The following CLNK variants were observed in gnomAD, a reference collection of about 807,000 sequenced individuals.
CLNK encodes the protein cytokine dependent hematopoietic cell linker, also known as cytokine-dependent hematopoietic cell linker.
A neutral mutation model predicts 68.6 loss-of-function variants in CLNK; 74 were observed. That is an observed-to-expected ratio of 1.08 (90% CI 0.89 to 1.31). CLNK has a LOEUF of 1.31. Among genes scored for constraint, CLNK ranks in the 50% most tolerant of loss-of-function variants. The pLI is 0.00. For missense variants in CLNK, 553 were observed against 515.3 expected (o/e 1.07, Z -0.71); for synonymous variants, 198 against 172.2 (o/e 1.15, Z -1.17).
At chr4:10,560,281 G>A (rs1378118958) in intron 7 of CLNK, among the ~76,000 whole-genome samples, 1 of 152,220 alleles carries the variant, frequency 6.6e-6, no homozygotes, top group African/African-American at 2.4e-5. Flanking sequence ...GCTAAGCACA[G>A]AGCTTGGTAC....
intron 8 of CLNK, among the ~76,000 whole-genome samples, chr4:10,545,518 G>A (rs923917753): frequency 1.2e-4 from 18 of 152,074 alleles, no homozygotes; most frequent in African/African-American, 4.1e-4. Flanking sequence ...AGCTCTCCCA[G>A]GTTGGCAATG....
intron 15 of CLNK, chr4:10,517,392 A>G (rs1717879503): frequency 6.6e-6 from 1 of 152,210 alleles, no homozygotes; most frequent in African/African-American, 2.4e-5. Context: ...GTGCAAACTT[A>G]CCTTTTAAAA....
At chr4:10,702,064 T>C in the CLNK span, among the ~76,000 whole-genome samples, 1 of 152,202 alleles carries the variant, frequency 6.6e-6, no homozygotes, top group Non-Finnish European at 1.5e-5. Context: ...ATATTTACCA[T>C]GCTCCTTGCA....
chr4:10,720,276 C>G, the CLNK span, among the ~76,000 whole-genome samples: 1 of 151,796 alleles, frequency 6.6e-6, no homozygotes, highest in Non-Finnish European at 1.5e-5. Flanking sequence ...TTAAAAAGAT[C>G]AATAAAATTT....
intron 11 of CLNK, among the ~76,000 whole-genome samples, chr4:10,538,124 A>G (rs138242280): frequency 2.0e-5 from 3 of 152,064 alleles, no homozygotes; most frequent in African/African-American, 7.2e-5. Flanking sequence ...TAGTTTATAT[A>G]TTTATTTTTT....
chr4:10,718,621 C>T, the CLNK span, among the ~76,000 whole-genome samples: 11 of 151,380 alleles, frequency 7.3e-5, no homozygotes, highest in Middle Eastern at 3.4e-3. Flanking sequence ...TAGAAGAATT[C>T]GTCACTAGCA....
chr4:10,642,847 T>C (rs181900389), intron 2 of CLNK, among the ~76,000 whole-genome samples: 2 of 152,278 alleles, frequency 1.3e-5, no homozygotes, highest in East Asian at 1.9e-4. Flanking sequence ...GGGAAGGGTA[T>C]GTAAAATAGT....
At chr4:10,556,879 C>T (rs1279929609) in intron 8 of CLNK, among the ~76,000 whole-genome samples, 2 of 151,974 alleles carry the variant, frequency 1.3e-5, no homozygotes, top group Non-Finnish European at 2.9e-5. Context: ...AGTTCGCGAC[C>T]AGCCTGACCA....
chr4:10,499,202 T>C (rs1231735150), intron 18 of CLNK, among the ~76,000 whole-genome samples: 1 of 152,012 alleles, frequency 6.6e-6, no homozygotes, highest in Admixed American at 6.6e-5. Context: ...CTGGGATTAG[T>C]TTAGATTGTA....
rs1716442572 is a variant in CLNK at position 10,488,660 on chromosome 4, T to C, written c.*1807A>G. On this transcript the variant is annotated 3_prime_UTR_variant, in exon 19 of 19. Transcript: ENST00000226951. The stretch of plus-strand genomic sequence containing the variant: ...TCCAGCTTTACAAATAGCTTCTTCA[T>C]TAAATGCTCCTGATGTAACTTATAG... 6.6e-6 allele frequency: 1 copy of C among 152,238 alleles called. No homozygotes were observed. The highest frequency in any genetic ancestry group is 1.5e-5 in the Non-Finnish European group (1 of 68,058). The allele number at this position is 152,238 out of a possible 1,614,324, so 9.4% of individuals were successfully genotyped here. A position where few individuals can be genotyped will look rare whatever the true frequency, so the allele number is the denominator to read the frequency against.
intron 2 of CLNK, among the ~76,000 whole-genome samples, chr4:10,665,014 G>C (rs563716749): frequency 1.3e-5 from 2 of 152,294 alleles, no homozygotes; most frequent in South Asian, 4.1e-4. Flanking sequence ...GACTAGGGGA[G>C]GAAAAGGATG....
chr4:10,596,322 G>A (rs1380863116), intron 3 of CLNK, among the ~76,000 whole-genome samples: 1 of 152,208 alleles, frequency 6.6e-6, no homozygotes. Flanking sequence ...ACCACATCTG[G>A]CTTCAAATAT....
chr4:10,554,018 G>T (rs904240633), intron 8 of CLNK, among the ~76,000 whole-genome samples: 14 of 152,122 alleles, frequency 9.2e-5, no homozygotes, highest in African/African-American at 3.1e-4. Flanking sequence ...TTACAAGGAG[G>T]GGCTGGATCG....
chr4:10,533,618 T>C (rs970388373), intron 11 of CLNK, among the ~76,000 whole-genome samples: 1 of 152,228 alleles, frequency 6.6e-6, no homozygotes, highest in Non-Finnish European at 1.5e-5. Context: ...CTCCCGCTTT[T>C]AGTTGGAAAC....
chr4:10,707,603 CTG>C, the CLNK span, among the ~76,000 whole-genome samples: 2 of 152,172 alleles, frequency 1.3e-5, no homozygotes, highest in Non-Finnish European at 2.9e-5. Flanking sequence ...TAAAACCAAA[CTG>C]TAACCTGACC....
intron 17 of CLNK, among the ~76,000 whole-genome samples, chr4:10,503,995 C>A (rs1370904565): frequency 6.6e-6 from 1 of 151,332 alleles, no homozygotes; most frequent in African/African-American, 2.4e-5. Context: ...GTTGGCCAGG[C>A]TGGTCTCAAA....
At chr4:10,715,230 T>TA in the CLNK span, among the ~76,000 whole-genome samples, 1 of 152,170 alleles carries the variant, frequency 6.6e-6, no homozygotes, top group Non-Finnish European at 1.5e-5. Flanking sequence ...TAAGCCCCTC[T>TA]CTAGACCTAC....
intron 4 of CLNK, among the ~76,000 whole-genome samples, chr4:10,574,184 C>T (rs1720461811): frequency 1.3e-5 from 2 of 152,294 alleles, no homozygotes; most frequent in South Asian, 4.1e-4. Flanking sequence ...ACTCATGGCC[C>T]ATGTCATACA....
intron 14 of CLNK, among the ~76,000 whole-genome samples, chr4:10,522,974 G>T (rs1718143145): frequency 6.6e-6 from 1 of 152,190 alleles, no homozygotes; most frequent in Non-Finnish European, 1.5e-5. Context: ...GGCCTTTTCT[G>T]CAAGAGACCA....
Sources: gnomAD v4.1 joint callset for allele counts (sites outside exome capture counted in the v4.1 genomes callset) on GRCh38, gnomAD v4.1.1 for gene constraint, MANE v1.5 for transcripts, NCBI Gene and HGNC (gene_info 2026-07-23, HGNC 2026-07-21) for gene names.